The following RYR2 variants were observed in gnomAD, a reference collection of about 807,000 sequenced individuals.
The protein encoded by RYR2 is ryanodine receptor 2.
A neutral mutation model predicts 601.1 loss-of-function variants in RYR2; 227 were observed. That is an observed-to-expected ratio of 0.38 (90% CI 0.34 to 0.42). RYR2 has a LOEUF of 0.42. RYR2 is among the 10% of genes least tolerant of loss of function. The pLI is 1.00. For missense variants in RYR2, 4,646 were observed against 6,156.5 expected (o/e 0.75, Z 8.21); for synonymous variants, 2,223 against 2,175.1 (o/e 1.02, Z -0.61).
At chr1:237,803,031 C>T (rs1326451020) in intron 98 of RYR2, among the ~76,000 whole-genome samples, 1 of 152,174 alleles carries the variant, frequency 6.6e-6, no homozygotes, top group African/African-American at 2.4e-5. Flanking sequence ...ATTACTGTGT[C>T]TCTCTGAAAC....
chr1:237,737,095 C>T (rs1691216942), intron 79 of RYR2, among the ~76,000 whole-genome samples: 1 of 152,158 alleles, frequency 6.6e-6, no homozygotes, highest in South Asian at 2.1e-4. Context: ...TAGGTAGAAG[C>T]TCTTGATTTA....
intron 1 of RYR2, among the ~76,000 whole-genome samples, chr1:237,113,770 A>T (rs1390177607): frequency 6.6e-6 from 1 of 152,162 alleles, no homozygotes; most frequent in African/African-American, 2.4e-5. Context: ...GCAGGCTCAC[A>T]CCTATTGGGT....
chr1:237,778,028 A>G (rs1244831243), intron 87 of RYR2, among the ~76,000 whole-genome samples: 2 of 152,186 alleles, frequency 1.3e-5, no homozygotes, highest in African/African-American at 4.8e-5. Context: ...TTTCTTAGGG[A>G]GGAACGCAAG....
chr1:237,244,553 C>T (rs571433357), intron 1 of RYR2, among the ~76,000 whole-genome samples: 15 of 152,132 alleles, frequency 9.9e-5, no homozygotes, highest in Non-Finnish European at 1.8e-4. Context: ...AAGGTCACTC[C>T]TGATGGAACC....
intron 11 of RYR2, among the ~76,000 whole-genome samples, chr1:237,421,703 T>C (rs1026083669): frequency 5.9e-5 from 9 of 152,232 alleles, no homozygotes; most frequent in African/African-American, 2.2e-4. Flanking sequence ...AATAAGATTA[T>C]ATTGAAAATC....
intron 1 of RYR2, among the ~76,000 whole-genome samples, chr1:237,052,805 A>AG (rs745406394): frequency 1.1e-4 from 16 of 152,076 alleles, no homozygotes; most frequent in Non-Finnish European, 1.6e-4. Context: ...TTGCATACAC[A>AG]GGATCCAATC....
chr1:237,442,491 CA>C (rs1707999568), intron 13 of RYR2, among the ~76,000 whole-genome samples: 1 of 152,156 alleles, frequency 6.6e-6, no homozygotes, highest in Admixed American at 6.6e-5. Flanking sequence ...ATCCACAGTA[CA>C]GTTACATAGC....
chr1:237,047,351 G>C lies in RYR2; in HGVS notation c.48+4782G>C, dbSNP rs1234874231. 2.0e-5 allele frequency among the ~76,000 whole-genome samples: 3 copies of C among 149,086 alleles called. No homozygotes were observed. The East Asian group carries it at 5.9e-4, about 29-fold the overall frequency. On this transcript the variant is annotated intron_variant, in intron 1 of 104. Transcript: ENST00000366574. ...CAGTCCCTCACATGGCCTGAATCTT[G>C]GTCCTGGAAGCCAAGATTGGAATCC...
chr1:237,777,271 T>C (rs1694741153), intron 87 of RYR2, among the ~76,000 whole-genome samples: 1 of 152,096 alleles, frequency 6.6e-6, no homozygotes, highest in Admixed American at 6.5e-5. Context: ...AGGTAGTGAG[T>C]CTACTGCTTT....
In RYR2 at chr1:237,730,338, A is replaced by C. The variant is rs1271495651; in HGVS notation, c.10917A>C (p.Lys3639Asn). ...CAGAAGAACATTACTTTGAAGATAA[A>C]CTGATAGAAGATTTAGCAGTATGTT... ...IETEEHYFEDKLIEDLAKPGA... is the reference protein window; with the variant it reads ...IETEEHYFEDNLIEDLAKPGA... Residue 3639 changes from lysine (K) to asparagine (N), a missense_variant, in exon 77 of 105, where the codon AAA (lysine) becomes AAC (asparagine). Lys to Asn is a moderately conservative substitution (Grantham distance 94). Around this residue, in one of 17 missense-constraint regions of RYR2, gnomAD observed 1,497 missense variants for 1,842.6 expected, o/e 0.81. Transcript: ENST00000366574. The C allele has an allele frequency of 1.3e-6, 2 of 1,580,720 alleles. No individual in the cohort carries two copies. Among genetic ancestry groups the C allele is most frequent in the Non-Finnish European group, 1.7e-6 (2 of 1,149,760 alleles).
chr1:237,571,570 C>T (rs372292126), intron 29 of RYR2, among the ~76,000 whole-genome samples: 21 of 152,108 alleles, frequency 1.4e-4, no homozygotes, highest in African/African-American at 5.1e-4. Flanking sequence ...CCGCCTCGGC[C>T]TCCCAAAGTG....
At chr1:237,350,112 A>G (rs1698631005) in intron 3 of RYR2, among the ~76,000 whole-genome samples, 1 of 152,202 alleles carries the variant, frequency 6.6e-6, no homozygotes, top group Admixed American at 6.5e-5. Flanking sequence ...AATTGACTAA[A>G]TACTTCAATC....
intron 12 of RYR2, among the ~76,000 whole-genome samples, chr1:237,429,562 C>A (rs2150090317): frequency 6.6e-6 from 1 of 152,262 alleles, no homozygotes; most frequent in Middle Eastern, 3.4e-3. Flanking sequence ...ACTGTGATCT[C>A]TCAAAATCCT....
intron 2 of RYR2, among the ~76,000 whole-genome samples, chr1:237,325,358 T>C (rs994656365): frequency 1.3e-5 from 2 of 152,244 alleles, no homozygotes; most frequent in African/African-American, 4.8e-5. Flanking sequence ...TTTCTACTGC[T>C]ATGAATACAT....
rs779666612 is a variant in RYR2 at position 237,783,795 on chromosome 1, C to T, written c.12083C>T (p.Ser4028Leu). 2 of 1,613,304 alleles carry T rather than the reference C, an allele frequency of 1.2e-6. No individual in the cohort carries two copies. The highest frequency in any genetic ancestry group is 2.7e-5 in the African/African-American group (2 of 74,906). Residue 4028 changes from serine (S) to leucine (L), a missense_variant, in exon 90 of 105, where the codon TCG (serine) becomes TTG (leucine). Physicochemically the swap from Ser to Leu is moderately radical, Grantham distance 145. Coordinates refer to ENST00000366574, the MANE Select transcript of RYR2 (RefSeq NM_001035.3). ...DMFLKLKDLT[S>L]SDTFKEYDPD... ...TTCTTAAAACTAAAGGATTTGACGT[C>T]GTCTGATACTTTTAAAGAATATGAC...
intron 23 of RYR2, among the ~76,000 whole-genome samples, chr1:237,508,498 A>G (rs1267855664): frequency 2.6e-5 from 4 of 151,608 alleles, no homozygotes; most frequent in African/African-American, 9.7e-5. Context: ...ACAAACAGCA[A>G]AACCCCATAT....
At chr1:237,813,459 G>T (rs1016207747) in intron 100 of RYR2, among the ~76,000 whole-genome samples, 2 of 152,172 alleles carry the variant, frequency 1.3e-5, no homozygotes, top group South Asian at 2.1e-4. Context: ...TCTTCCTTTT[G>T]TACCACAGGG....
chr1:237,652,361 A>G (rs958528521), intron 51 of RYR2, among the ~76,000 whole-genome samples: 1 of 152,192 alleles, frequency 6.6e-6, no homozygotes, highest in Non-Finnish European at 1.5e-5. Flanking sequence ...GTCCTTTAAT[A>G]TCATAATCTA....
chr1:237,225,308 C>T (rs564097842), intron 1 of RYR2, among the ~76,000 whole-genome samples: 7 of 152,142 alleles, frequency 4.6e-5, no homozygotes, highest in Admixed American at 1.3e-4. Context: ...CGTCCGTTTT[C>T]GCGCTGCTCA....
Sources: allele counts gnomAD v4.1 joint callset (sites outside exome capture counted in the v4.1 genomes callset), GRCh38; gene constraint gnomAD v4.1.1; regional missense constraint gnomAD v4.1.1; transcripts MANE v1.5; gene names NCBI Gene and HGNC (gene_info 2026-07-23, HGNC 2026-07-21).